ICE2: variants seen among roughly 807,000 people sequenced by gnomAD.
ICE2 encodes the protein little elongation complex subunit 2.
In ICE2, 87 loss-of-function variants were observed where a neutral mutation model predicts 105.4. That is an observed-to-expected ratio of 0.83 (90% CI 0.69 to 0.99). The LOEUF (loss-of-function observed/expected upper bound fraction) is 0.99. Ranked by LOEUF, ICE2 falls within the 50% of genes least tolerant of loss-of-function variation. The pLI, the probability that ICE2 is intolerant of heterozygous loss-of-function variation, is 0.00. For missense variants in ICE2, 1,323 were observed against 1,146.7 expected, an observed-to-expected ratio of 1.15 and a Z score of -2.22; for synonymous variants, 399 against 392.0, an observed-to-expected ratio of 1.02 and a Z score of -0.21.
Position 60,448,919 on chromosome 15 carries a change from A to C in ICE2, c.2048T>G (p.Leu683Trp), listed in dbSNP as rs556708013. ...NSKQPSVSEQ[L>W]SGPSDSSSWP... ...ACTAGAGGAGTCTGAAGGACCAGAC[A>C]ATTGCTCAGAAACAGAAGGCTGTTT... The change falls in exon 10 of 16, where the codon TTG becomes TGG. Residue 683 changes from leucine (L) to tryptophan (W), a missense_variant. Coordinates refer to ENST00000261520, the MANE Select transcript of ICE2 (RefSeq NM_024611.6). The C allele has an allele frequency of 6.2e-7, 1 of 1,613,788 alleles. No individual in the cohort carries two copies. Among genetic ancestry groups the C allele is most frequent in the Non-Finnish European group, 8.5e-7 (1 of 1,179,860 alleles).
At chr15:60,434,673 G>A (rs1434523733) in intron 13 of ICE2, among the ~76,000 whole-genome samples, 1 of 152,076 alleles carries the variant, frequency 6.6e-6, no homozygotes, top group Non-Finnish European at 1.5e-5. Flanking sequence ...GACAAATATT[G>A]CATGCTTTCA....
chr15:60,452,829 T>G, intron 9 of ICE2: 10 of 980,150 alleles, frequency 1.0e-5, no homozygotes, highest in Non-Finnish European at 1.2e-5. Flanking sequence ...TATTATGTAA[T>G]CTGCCCGAGG....
intron 14 of ICE2, 127 bp downstream of exon 14, chr15:60,431,807 G>T: frequency 5.7e-6 from 3 of 525,850 alleles, no homozygotes; most frequent in Non-Finnish European, 1.0e-5. Context: ...GTTTACATTT[G>T]ACATAATAAT....
intron 12 of ICE2, among the ~76,000 whole-genome samples, chr15:60,437,300 C>T (rs979388808): frequency 6.6e-5 from 10 of 151,102 alleles, no homozygotes; most frequent in Admixed American, 4.6e-4. Context: ...TAAGATTTCC[C>T]AAAGTTAAAA....
At position 60,453,621 on chromosome 15, in the gene ICE2, C is replaced by T; in HGVS notation, c.1107G>A (p.Glu369=). 1 of 1,613,160 alleles carries T rather than the reference C, an allele frequency of 6.2e-7. No homozygotes were observed. The highest frequency in any genetic ancestry group is 1.1e-5 in the South Asian group (1 of 91,014). Residue 369 remains glutamate, a synonymous_variant, in exon 9 of 16, where the codon GAG becomes GAA. Transcript: ENST00000261520. The part of the protein sequence containing the change: ...VSAVFMDKPE[E]FISEMDMSCE... ...TACATACGTCCATTTCAGATATAAA[C>T]TCTTCAGGTTTGTCCATAAAGACTG... is the stretch of plus-strand genomic sequence containing the variant.
In ICE2 at chr15:60,420,569, C is replaced by T. The variant is rs1251837241; in HGVS notation, c.*3065G>A. The T allele has an allele frequency of 6.6e-6, 1 of 152,220 alleles. No individual in the cohort carries two copies. The highest frequency in any genetic ancestry group is 1.5e-5 in the Non-Finnish European group (1 of 68,056). The allele number at this position is 152,220 out of a possible 1,614,324, so 9.4% of individuals were successfully genotyped here. A position where few individuals can be genotyped will look rare whatever the true frequency, so the allele number is the denominator to read the frequency against. On this transcript the variant is annotated 3_prime_UTR_variant, in exon 16 of 16. Coordinates refer to ENST00000261520, the MANE Select transcript of ICE2 (RefSeq NM_024611.6). ...ATGTCTTAGCACAGTGTTTCTGTCC[C>T]TATCCTGCAGTTTTCTCTCTCATCT...
Position 60,479,084 on chromosome 15 carries a change from G to T in ICE2, c.-174C>A. On this transcript the variant is annotated 5_prime_UTR_variant, in exon 1 of 16. Transcript: ENST00000261520. ...CCCCACTCCTCACATTGTCGCGCGCGCCCAAAAAAGACCATATTTAAAGGA... is the reference window on the plus strand; with the variant it reads ...CCCCACTCCTCACATTGTCGCGCGCTCCCAAAAAAGACCATATTTAAAGGA... 2.2e-6 allele frequency: 1 copy of T among 448,256 alleles called. No individual in the cohort carries two copies. The highest frequency in any genetic ancestry group is 4.5e-6 in the Non-Finnish European group (1 of 221,468). 27.8% of individuals were successfully genotyped at this position (448,256 alleles called of 1,614,324 possible).
intron 9 of ICE2, chr15:60,453,281 A>G (rs541678671): frequency 5.7e-6 from 6 of 1,058,092 alleles, no homozygotes; most frequent in Non-Finnish European, 5.7e-6. Context: ...ACAAAACCTC[A>G]TATTAACCAC....
At chr15:60,433,841 C>CA (rs1167838568) in intron 13 of ICE2, among the ~76,000 whole-genome samples, 1 of 151,674 alleles carries the variant, frequency 6.6e-6, no homozygotes, top group Non-Finnish European at 1.5e-5. Context: ...AAAAGCGAGG[C>CA]AGGTGGAGAG....
rs2063270851 is a variant in ICE2 at position 60,423,536 on chromosome 15, A to G, written c.*98T>C. 7.6e-6 allele frequency: 9 copies of G among 1,178,014 alleles called. No individual in the cohort carries two copies. The highest frequency in any genetic ancestry group is 1.0e-5 in the Non-Finnish European group (9 of 864,836). The allele number at this position is 1,178,014 out of a possible 1,614,324, so 73.0% of individuals were successfully genotyped here. A position where few individuals can be genotyped will look rare whatever the true frequency, so the allele number is the denominator to read the frequency against. On this transcript the variant is annotated 3_prime_UTR_variant, in exon 16 of 16. Coordinates refer to ENST00000261520, the MANE Select transcript of ICE2 (RefSeq NM_024611.6). The stretch of plus-strand genomic sequence containing the variant: ...AAGGCACTCTAGCTACTACAGGAAA[A>G]ATGTTCCTCTTGCCTACTGATTATT...
rs539975937 is a variant in ICE2 at position 60,468,031 on chromosome 15, T to C, written c.408+30A>G. ...AAATATTTCCTAATTTTTATTATTT[T>C]TTCCTGAAACTGAAGAACACAATAC... On this transcript the variant is annotated intron_variant, in intron 4 of 15. Transcript: ENST00000261520. The C allele has an allele frequency of 6.7e-6, 10 of 1,484,086 alleles. No individual in the cohort carries two copies. In the South Asian group the frequency reaches 1.4e-4, roughly 21 times the overall value. The allele number at this position is 1,484,086 out of a possible 1,614,324, so 91.9% of individuals were successfully genotyped here. A position where few individuals can be genotyped will look rare whatever the true frequency, so the allele number is the denominator to read the frequency against.
At chr15:60,478,703 C>G (rs2064842518) in intron 1 of ICE2, 2 of 341,554 alleles carry the variant, frequency 5.9e-6, no homozygotes, top group South Asian at 4.2e-5. Flanking sequence ...CGAACGGGCC[C>G]GACCGGCTCC....
At chr15:60,456,584 TACACACAC>T (rs368911245) in intron 6 of ICE2, 65 bp downstream of exon 6, 42 of 197,734 alleles carry the variant, frequency 2.1e-4, no homozygotes, top group African/African-American at 7.2e-4. Context: ...TATATATATA[TACACACAC>T]ACACACACAC....
chr15:60,467,160 G>T (rs970453078), intron 4 of ICE2, among the ~76,000 whole-genome samples: 1 of 151,908 alleles, frequency 6.6e-6, no homozygotes, highest in African/African-American at 2.4e-5. Context: ...ATGGGGTTTC[G>T]CCATGTTGGC....
chr15:60,471,724 T>C (rs1433199067), intron 3 of ICE2, among the ~76,000 whole-genome samples: 2 of 152,176 alleles, frequency 1.3e-5, no homozygotes, highest in African/African-American at 4.8e-5. Flanking sequence ...GGTTGATGGT[T>C]TGAAGTTTTG....
At chr15:60,448,297 G>A (rs921531030) in intron 10 of ICE2, 152 bp from the exon 11 acceptor site, 4 of 551,204 alleles carry the variant, frequency 7.3e-6, no homozygotes, top group Non-Finnish European at 9.3e-6. Context: ...TACCATTTCT[G>A]TTTACTTTTA....
At position 60,468,255 on chromosome 15, in the gene ICE2, T is replaced by C. The variant is rs1311935575; in HGVS notation, c.214A>G (p.Thr72Ala). The C allele has an allele frequency of 4.3e-6, 7 of 1,613,582 alleles. No homozygotes were observed. The highest frequency in any genetic ancestry group is 1.1e-5 in the South Asian group (1 of 91,062). ...VENEPAVSSA[T>A]QAKEKVKTTI... ...GTTTTAACTTTTTCCTTTGCTTGAG[T>C]TGCTGAACTAACTGCCGGCTCATTT... The change falls in exon 4 of 16, where the codon ACT (threonine) becomes GCT (alanine). Residue 72 changes from threonine to alanine, a missense_variant. Thr to Ala is a moderately conservative substitution (Grantham distance 58). Transcript: ENST00000261520.
chr15:60,433,535 A>T (rs1055791398), intron 13 of ICE2, among the ~76,000 whole-genome samples: 11 of 149,442 alleles, frequency 7.4e-5, no homozygotes, highest in African/African-American at 2.7e-4. Context: ...CTTTTTGCCC[A>T]GGTTGAAGTG....
intron 11 of ICE2, chr15:60,442,820 G>C: frequency 4.3e-6 from 1 of 230,542 alleles, no homozygotes; most frequent in Non-Finnish European, 8.3e-6. Flanking sequence ...GGCAAGGTTT[G>C]ATTTTGGTCA....
Sources: gnomAD v4.1 joint callset for allele counts (sites outside exome capture counted in the v4.1 genomes callset) on GRCh38, gnomAD v4.1.1 for gene constraint, MANE v1.5 for transcripts, NCBI Gene and HGNC (gene_info 2026-07-23, HGNC 2026-07-21) for gene names.